Variants in CCDC88C observed in about 807,000 individuals in gnomAD.
CCDC88C encodes protein Daple.
A neutral mutation model predicts 198.8 loss-of-function variants in CCDC88C; 131 were observed. That is an observed-to-expected ratio of 0.66 (90% CI 0.57 to 0.76). The LOEUF (loss-of-function observed/expected upper bound fraction) is 0.76. CCDC88C is among the 30% of genes least tolerant of loss of function. The probability of loss-of-function intolerance (pLI) is 0.00; values close to 1 mark genes in which losing one functional copy is unlikely to be tolerated. For synonymous variants in CCDC88C, 1,166 were observed against 1,114.7 expected (o/e 1.05, Z -0.92); for missense variants, 2,553 against 2,631.6 (o/e 0.97, Z 0.65).
chr14:91,344,031 G>A (rs1893414174), intron 4 of CCDC88C, among the ~76,000 whole-genome samples: 1 of 151,978 alleles, frequency 6.6e-6, no homozygotes, highest in Admixed American at 6.6e-5. Context: ...ATGTTGCCTA[G>A]GCTGGTCTCA....
At position 91,284,511 on chromosome 14, in the gene CCDC88C, A is replaced by C. The variant is rs1890323270; in HGVS notation, c.4442-994T>G. On this transcript the variant is annotated intron_variant, in intron 25 of 29. Transcript: ENST00000389857. The surrounding 1 kb of genome is among the most constrained non-coding windows in gnomAD (Gnocchi z 4.1). ...CAGGTCATCCTACAGGTGAAGCTAA[A>C]ATGAGGATCCACAGGGGAGGCAGAG... 6.6e-6 allele frequency among the ~76,000 whole-genome samples: 1 copy of C among 152,220 alleles called. No individual in the cohort carries two copies.
At chr14:91,275,137 G>A (rs1889899745) in intron 29 of CCDC88C, among the ~76,000 whole-genome samples, 1 of 152,188 alleles carries the variant, frequency 6.6e-6, no homozygotes, top group Non-Finnish European at 1.5e-5. Flanking sequence ...TGTGTCAGGG[G>A]TAGGGGGTTA....
chr14:91,411,454 C>A (rs1333410195), intron 2 of CCDC88C, among the ~76,000 whole-genome samples: 1 of 152,148 alleles, frequency 6.6e-6, no homozygotes, highest in African/African-American at 2.4e-5. Context: ...TTATTATAAC[C>A]GCTAAACAAC....
intron 4 of CCDC88C, among the ~76,000 whole-genome samples, chr14:91,358,580 T>C (rs1056311619): frequency 4.6e-5 from 7 of 152,224 alleles, no homozygotes; most frequent in African/African-American, 1.4e-4. Context: ...ATTACTCCAT[T>C]TAATGCACCA....
In CCDC88C at chr14:91,360,805, T is replaced by G. The variant is rs1280985471; in HGVS notation, c.271-1094A>C. On this transcript the variant is annotated intron_variant, in intron 3 of 29. Transcript: ENST00000389857. ...CCCCCTAAGTATTTCTTGGGGCAGA[T>G]CAGTCTTCTGTGCCTAGATGCAGGA... Among the ~76,000 whole-genome samples, 5 of 152,212 alleles carry G rather than the reference T, an allele frequency of 3.3e-5. No homozygotes were observed. In the East Asian group the frequency reaches 9.6e-4, roughly 29 times the overall value.
chr14:91,289,450 T>C (rs1468643202), intron 24 of CCDC88C, 107 bp from the exon 25 acceptor site: 7 of 965,690 alleles, frequency 7.2e-6, no homozygotes, highest in African/African-American at 1.6e-5. Flanking sequence ...TCTGGGAAGC[T>C]AGGCCACTCA....
chr14:91,383,619 G>C (rs1884946721), intron 3 of CCDC88C, among the ~76,000 whole-genome samples: 1 of 152,226 alleles, frequency 6.6e-6, no homozygotes, highest in Admixed American at 6.5e-5. Flanking sequence ...TGCAAAACCA[G>C]TTCTTGCTGC....
At chr14:91,403,389 C>G (rs1480749550) in intron 3 of CCDC88C, among the ~76,000 whole-genome samples, 1 of 152,196 alleles carries the variant, frequency 6.6e-6, no homozygotes, top group Non-Finnish European at 1.5e-5. Context: ...AGAAACTTCA[C>G]ATGACAATGA....
intron 1 of CCDC88C, 112 bp from the exon 2 acceptor site, chr14:91,416,950 A>ACGAC: frequency 1.4e-6 from 1 of 723,366 alleles, no homozygotes; most frequent in South Asian, 1.6e-5. Context: ...GAAGGGGGTC[A>ACGAC]CCCACGCCCA....
In CCDC88C at chr14:91,278,141, C is replaced by T. The variant is rs973861732; in HGVS notation, c.4839G>A (p.Leu1613=). 5 of 1,613,152 alleles carry T rather than the reference C, an allele frequency of 3.1e-6. No individual in the cohort carries two copies. The highest frequency in any genetic ancestry group is 1.7e-5 in the Admixed American group (1 of 59,952). Residue 1613 remains leucine (L), a synonymous_variant, in exon 29 of 30, where the codon CTG becomes CTA. Coordinates refer to ENST00000389857, the MANE Select transcript of CCDC88C (RefSeq NM_001080414.4). ...TGCTGGCTTCCCGGGGCAAAGTGGC[C>T]AGGTCCCTGCTGGGGATCAGGTCTT... is the stretch of plus-strand genomic sequence containing the variant. ...SSEDLIPSRD[L]ATLPREASTP... is the part of the protein sequence containing the mutation.
At chr14:91,328,767 G>T (rs931708576) in intron 10 of CCDC88C, among the ~76,000 whole-genome samples, 1 of 152,074 alleles carries the variant, frequency 6.6e-6, no homozygotes, top group African/African-American at 2.4e-5. Context: ...CATGCGCAGC[G>T]CCTGAGACCT....
chr14:91,290,017 C>A (rs1476606031), intron 24 of CCDC88C, among the ~76,000 whole-genome samples: 1 of 151,980 alleles, frequency 6.6e-6, no homozygotes, highest in African/African-American at 2.4e-5. Context: ...ACGCCTGTAA[C>A]CCCAGCACTT....
At chr14:91,302,755 G>A (rs556721700) in intron 20 of CCDC88C, among the ~76,000 whole-genome samples, 5 of 152,096 alleles carry the variant, frequency 3.3e-5, no homozygotes, top group Non-Finnish European at 2.9e-5. Flanking sequence ...CTATATGTTC[G>A]GAAGTTTCCA....
intron 10 of CCDC88C, among the ~76,000 whole-genome samples, chr14:91,336,296 G>A (rs1414367221): frequency 1.3e-5 from 2 of 152,188 alleles, no homozygotes; most frequent in Admixed American, 6.5e-5. Context: ...CTGGGCAGAC[G>A]CGTCTATGTG....
At chr14:91,376,564 A>G (rs774669645) in intron 3 of CCDC88C, among the ~76,000 whole-genome samples, 4 of 152,234 alleles carry the variant, frequency 2.6e-5, no homozygotes, top group Non-Finnish European at 1.5e-5. Flanking sequence ...GAGGCTCTAA[A>G]CAAACATTTC....
At chr14:91,285,126 G>A (rs2139732054) in intron 25 of CCDC88C, among the ~76,000 whole-genome samples, 1 of 152,280 alleles carries the variant, frequency 6.6e-6, no homozygotes, top group East Asian at 1.9e-4. Context: ...TGCCTGAATG[G>A]AGCAATCAAT....
intron 4 of CCDC88C, among the ~76,000 whole-genome samples, chr14:91,350,135 C>A (rs11850725): frequency 4.9e-4 from 74 of 151,908 alleles, no homozygotes; most frequent in African/African-American, 1.7e-3. Flanking sequence ...GTTCTTTAAG[C>A]TGTAGTCATG....
intron 2 of CCDC88C, among the ~76,000 whole-genome samples, chr14:91,413,230 C>CTT (rs1886877465): frequency 6.6e-6 from 1 of 152,218 alleles, no homozygotes; most frequent in Non-Finnish European, 1.5e-5. Flanking sequence ...TGTCCACACA[C>CTT]AAACTCAGAT....
At position 91,339,377 on chromosome 14, in the gene CCDC88C, G is replaced by A. The variant is rs780697786; in HGVS notation, c.710C>T (p.Thr237Ile). 4 of 1,613,800 alleles carry A rather than the reference G, an allele frequency of 2.5e-6. No individual in the cohort carries two copies. The South Asian group carries it at 3.3e-5, about 13-fold the overall frequency. ...AGAGAGGCTGCTGGTGGGGCTGGGA[G>A]TGGAGTCGGCGCTGGAGGACTTGAT... ...SPIKSSSADS[T>I]PSPTSSLSSE... The change falls in exon 8 of 30, where the codon ACT becomes ATT. Residue 237 changes from threonine (T) to isoleucine (I), a missense_variant. Thr to Ile is a moderately conservative substitution (Grantham distance 89). This residue lies in a region of CCDC88C where 1,260 missense variants were observed against 1,412.0 expected (regional missense o/e 0.89). Transcript: ENST00000389857. This position sits in a 1 kb window ranked among gnomAD's most constrained non-coding sequence, Gnocchi z 5.8.
Sources: allele counts gnomAD v4.1 joint callset (sites outside exome capture counted in the v4.1 genomes callset), GRCh38; gene constraint gnomAD v4.1.1; regional missense constraint gnomAD v4.1.1; non-coding constraint Gnocchi (gnomAD v3.1); transcripts MANE v1.5; gene names NCBI Gene and HGNC (gene_info 2026-07-23, HGNC 2026-07-21).